The following ZBTB16 variants were observed in gnomAD, a reference collection of about 807,000 sequenced individuals.
The protein encoded by ZBTB16 is zinc finger and BTB domain containing 16.
ZBTB16 carries 8 observed loss-of-function variants against 56.8 expected under a neutral mutation model. The ratio of observed to expected loss-of-function variants is 0.14; its 90% CI spans 0.08 to 0.25. The LOEUF (loss-of-function observed/expected upper bound fraction) is 0.25, where lower values mean the gene tolerates loss of function less well. Among genes scored for constraint, ZBTB16 ranks in the 10% least tolerant of loss-of-function variants. The probability of loss-of-function intolerance (pLI) is 1.00; values close to 1 mark genes in which losing one functional copy is unlikely to be tolerated. For synonymous variants in ZBTB16, 363 were observed against 368.5 expected (o/e 0.98, Z 0.17); for missense variants, 625 against 903.0 (o/e 0.69, Z 3.95).
intron 4 of ZBTB16, among the ~76,000 whole-genome samples, chr11:114,241,233 T>TAA (rs60753205): frequency 5.4e-4 from 77 of 143,220 alleles, no homozygotes; most frequent in African/African-American, 1.9e-3. Context: ...GAGAAGTAGT[T>TAA]AAAAAAAAAA....
chr11:114,174,145 A>C (rs1362081177), intron 3 of ZBTB16, among the ~76,000 whole-genome samples: 2 of 152,178 alleles, frequency 1.3e-5, no homozygotes. Context: ...GAATACACTG[A>C]GGTCTACGCA....
In ZBTB16 at chr11:114,063,069, C is replaced by T. The variant is rs1938946741; in HGVS notation, c.-90-142C>T. The stretch of plus-strand genomic sequence containing the variant: ...TCTAGGAAGCTACTTCAATTAAAAT[C>T]TCTAAGATCCTCTTGCTAAGGGCTT... On this transcript the variant is annotated intron_variant, in intron 1 of 6. Coordinates refer to ENST00000335953, the MANE Select transcript of ZBTB16 (RefSeq NM_006006.6). The surrounding 1 kb of genome is among the most constrained non-coding windows in gnomAD (Gnocchi z 6.5). The T allele has an allele frequency of 1.7e-6, 1 of 574,384 alleles. No homozygotes were observed. Among genetic ancestry groups the T allele is most frequent in the African/African-American group, 1.9e-5 (1 of 53,418 alleles). The allele number at this position is 574,384 out of a possible 1,614,324, so 35.6% of individuals were successfully genotyped here. A position where few individuals can be genotyped will look rare whatever the true frequency, so the allele number is the denominator to read the frequency against.
At chr11:114,142,885 A>G (rs1941993898) in intron 2 of ZBTB16, among the ~76,000 whole-genome samples, 1 of 152,164 alleles carries the variant, frequency 6.6e-6, no homozygotes, top group Non-Finnish European at 1.5e-5. Flanking sequence ...TCTCATTTAC[A>G]AAAACGGGGA....
chr11:114,071,527 C>G (rs964636708), intron 2 of ZBTB16, among the ~76,000 whole-genome samples: 1 of 152,146 alleles, frequency 6.6e-6, no homozygotes, highest in Non-Finnish European at 1.5e-5. Context: ...AGTGATTATC[C>G]TAAACTGTTA....
chr11:114,248,292 A>T (rs1267101700), intron 6 of ZBTB16, among the ~76,000 whole-genome samples: 1 of 152,220 alleles, frequency 6.6e-6, no homozygotes, highest in Non-Finnish European at 1.5e-5. Flanking sequence ...CAGTTTCCCA[A>T]GTTGGGGGCA....
At position 114,256,317 on chromosome 11, in the gene ZBTB16, G is replaced by C. The variant is rs987521623; in HGVS notation, c.*5762G>C. 6.6e-6 allele frequency among the ~76,000 whole-genome samples: 1 copy of C among 152,116 alleles called. No homozygotes were observed. The highest frequency in any genetic ancestry group is 2.4e-5 in the African/African-American group (1 of 41,406). On this transcript the variant is annotated 3_prime_UTR_variant, in exon 7 of 7. Coordinates refer to ENST00000335953, the MANE Select transcript of ZBTB16 (RefSeq NM_006006.6). ...CCACCATGTACCAGTTACTGTTGTC[G>C]GCGCTGGGAATTACAGCAAAGGACA...
intron 4 of ZBTB16, among the ~76,000 whole-genome samples, chr11:114,199,305 C>T (rs974898278): frequency 6.7e-6 from 1 of 148,412 alleles, no homozygotes; most frequent in Non-Finnish European, 1.5e-5. Context: ...ACATGGATGC[C>T]GCTGGGCCCC....
chr11:114,193,440 A>G (rs683900), intron 4 of ZBTB16, among the ~76,000 whole-genome samples: 54,367 of 151,952 alleles, frequency 0.36, 9,893 homozygotes, highest in African/African-American at 0.43. Context: ...GGGGAGATAC[A>G]ACAGCAGTTT....
In ZBTB16 at chr11:114,107,128, G is replaced by A. The variant is rs114786494; in HGVS notation, c.1268+42560G>A. Among the ~76,000 whole-genome samples, 1,102 of 152,148 alleles carry A rather than the reference G, an allele frequency of 7.2e-3. 15 individuals carry two copies. The highest frequency in any genetic ancestry group is 0.025 in the African/African-American group (1,032 of 41,520). The stretch of plus-strand genomic sequence containing the variant: ...ACGAGGCGCCAGGGCCCTGGTGATC[G>A]CTCTGATTTTCTAGGTGAGATAAGG... On this transcript the variant is annotated intron_variant, in intron 2 of 6. Transcript: ENST00000335953.
intron 3 of ZBTB16, among the ~76,000 whole-genome samples, chr11:114,183,109 A>G (rs1469487121): frequency 6.6e-6 from 1 of 151,340 alleles, no homozygotes; most frequent in Admixed American, 6.6e-5. Flanking sequence ...GCTGGGGGGG[A>G]AGTCAGAGCC....
Position 114,254,554 on chromosome 11 carries a change from G to T in ZBTB16, c.*3999G>T, listed in dbSNP as rs1054294001. 1.3e-5 allele frequency among the ~76,000 whole-genome samples: 2 copies of T among 152,166 alleles called. No homozygotes were observed. Among genetic ancestry groups the T allele is most frequent in the African/African-American group, 4.8e-5 (2 of 41,420 alleles). ...GCAGCCTTTCGACTCTGTCCATGAC[G>T]GCTGGCAGGGTCAGGGTAGTTTCTG... On this transcript the variant is annotated 3_prime_UTR_variant, in exon 7 of 7. Coordinates refer to ENST00000335953, the MANE Select transcript of ZBTB16 (RefSeq NM_006006.6).
chr11:114,126,251 C>T (rs1441363890), intron 2 of ZBTB16, among the ~76,000 whole-genome samples: 5 of 152,182 alleles, frequency 3.3e-5, no homozygotes, highest in Admixed American at 2.0e-4. Context: ...GGTCTTAAAA[C>T]GAGGTGAATC....
At chr11:114,230,856 C>T (rs1944431294) in intron 4 of ZBTB16, among the ~76,000 whole-genome samples, 1 of 152,168 alleles carries the variant, frequency 6.6e-6, no homozygotes, top group Non-Finnish European at 1.5e-5. Flanking sequence ...TTCTGTCTCC[C>T]TGGGCCTTTG....
intron 2 of ZBTB16, among the ~76,000 whole-genome samples, chr11:114,100,936 C>G (rs1591665948): frequency 2.0e-5 from 3 of 151,902 alleles, no homozygotes; most frequent in Admixed American, 6.6e-5. Context: ...TGAGGAGATA[C>G]TCACGGGAGC....
intron 4 of ZBTB16, among the ~76,000 whole-genome samples, chr11:114,211,971 T>A (rs1944006969): frequency 6.6e-6 from 1 of 152,218 alleles, no homozygotes; most frequent in Non-Finnish European, 1.5e-5. Flanking sequence ...GCAGGGGGAC[T>A]CGCCCTCCTG....
intron 4 of ZBTB16, among the ~76,000 whole-genome samples, chr11:114,197,507 C>G (rs1943637059): frequency 6.6e-6 from 1 of 152,168 alleles, no homozygotes; most frequent in South Asian, 2.1e-4. Flanking sequence ...AGGTGCAGAA[C>G]TGTCTCTCCA....
rs571716680 is a variant in ZBTB16, at chr11:114,199,960, C to T, written c.1453+12922C>T. Among the ~76,000 whole-genome samples the T allele has an allele frequency of 1.6e-3, 248 of 152,086 alleles. 4 individuals carry two copies. The highest frequency in any genetic ancestry group is 0.011 in the South Asian group (54 of 4,810). The stretch of plus-strand genomic sequence containing the variant: ...TGGCTAACATGGTGAAACCCTGTCT[C>T]TACTAAAAATACAAAAAATTAGCCG... On this transcript the variant is annotated intron_variant, in intron 4 of 6. Coordinates refer to ENST00000335953, the MANE Select transcript of ZBTB16 (RefSeq NM_006006.6).
rs1425720808 is a variant in ZBTB16 at position 114,063,761 on chromosome 11, A to G, written c.461A>G (p.Lys154Arg). The G allele has an allele frequency of 6.2e-7, 1 of 1,613,950 alleles. No individual in the cohort carries two copies. The highest frequency in any genetic ancestry group is 1.3e-5 in the African/African-American group (1 of 74,940). ...EEEDRKARYL[K>R]NIFISKHSSE... ...GAGGACCGCAAGGCTCGGTACCTCA[A>G]GAACATCTTCATCTCGAAGCATTCC... The change falls in exon 2 of 7, where the codon AAG (lysine) becomes AGG (arginine). Residue 154 changes from lysine to arginine, a missense_variant. Physicochemically the swap from Lys to Arg is conservative, Grantham distance 26 (BLOSUM62 2). Transcript: ENST00000335953. The surrounding 1 kb of genome is among the most constrained non-coding windows in gnomAD (Gnocchi z 6.5).
intron 4 of ZBTB16, among the ~76,000 whole-genome samples, chr11:114,208,134 C>T (rs1943927026): frequency 6.6e-6 from 1 of 152,310 alleles, no homozygotes; most frequent in African/African-American, 2.4e-5. Flanking sequence ...CTTCTGGTCT[C>T]CAGCACCATA....
Sources: allele counts gnomAD v4.1 joint callset (sites outside exome capture counted in the v4.1 genomes callset), GRCh38; gene constraint gnomAD v4.1.1; non-coding constraint Gnocchi (gnomAD v3.1); transcripts MANE v1.5; gene names NCBI Gene and HGNC (gene_info 2026-07-23, HGNC 2026-07-21).